Variants in CDC14A observed in about 807,000 individuals in gnomAD.
The protein encoded by CDC14A is dual specificity protein phosphatase CDC14A.
In CDC14A, 53 loss-of-function variants were observed where a neutral mutation model predicts 74.4. The ratio of observed to expected loss-of-function variants is 0.71; its 90% CI spans 0.57 to 0.89. The LOEUF is 0.89. CDC14A is among the 40% of genes least tolerant of loss of function. The pLI is 0.00. For synonymous variants in CDC14A, 247 were observed against 258.4 expected, an observed-to-expected ratio of 0.96 and a Z score of 0.43; for missense variants, 646 against 713.7, an observed-to-expected ratio of 0.91 and a Z score of 1.08.
chr1:100,505,751 G>A (rs537656332), intron 15 of CDC14A, among the ~76,000 whole-genome samples: 22 of 152,078 alleles, frequency 1.4e-4, no homozygotes, highest in Admixed American at 8.5e-4. Context: ...ATTTTTATTC[G>A]TCTGCTTTTG....
At chr1:100,399,709 A>G (rs1292305166) in intron 4 of CDC14A, among the ~76,000 whole-genome samples, 2 of 152,160 alleles carry the variant, frequency 1.3e-5, no homozygotes, top group African/African-American at 2.4e-5. Context: ...AGCCTCCATT[A>G]AAAAAGTAAG....
At chr1:100,478,619 A>G (rs771802633) in intron 10 of CDC14A, among the ~76,000 whole-genome samples, 2 of 152,198 alleles carry the variant, frequency 1.3e-5, no homozygotes, top group African/African-American at 2.4e-5. Context: ...GAGAACTCAC[A>G]TAAAGCCTAA....
chr1:100,516,475 T>A (rs933165355), intron 15 of CDC14A, among the ~76,000 whole-genome samples: 1 of 152,212 alleles, frequency 6.6e-6, no homozygotes, highest in Non-Finnish European at 1.5e-5. Flanking sequence ...CTGATTTCTG[T>A]TAGTGATAAC....
intron 15 of CDC14A, among the ~76,000 whole-genome samples, chr1:100,510,050 C>T (rs922881512): frequency 1.3e-5 from 2 of 149,758 alleles, no homozygotes; most frequent in South Asian, 2.1e-4. Flanking sequence ...TTAGGAACCT[C>T]GTTTCCATGC....
At chr1:100,435,940 G>T (rs1380301810) in intron 5 of CDC14A, among the ~76,000 whole-genome samples, 1 of 151,986 alleles carries the variant, frequency 6.6e-6, no homozygotes, top group Non-Finnish European at 1.5e-5. Context: ...GGAAAATTTT[G>T]GTTGGCTTGT....
At chr1:100,482,068 C>T (rs555789485) in intron 10 of CDC14A, among the ~76,000 whole-genome samples, 2 of 152,304 alleles carry the variant, frequency 1.3e-5, no homozygotes, top group South Asian at 4.1e-4. Context: ...AGGTTCAAAT[C>T]AAGCCTTTCC....
chr1:100,504,791 T>A, intron 15 of CDC14A: 1 of 1,523,706 alleles, frequency 6.6e-7, no homozygotes, highest in Non-Finnish European at 8.8e-7. Flanking sequence ...CCTTGCTTAT[T>A]CTCTTGTTTT....
intron 7 of CDC14A, among the ~76,000 whole-genome samples, chr1:100,452,280 G>A (rs1666218641): frequency 6.6e-6 from 1 of 152,124 alleles, no homozygotes; most frequent in African/African-American, 2.4e-5. Context: ...GGGAGGCTGA[G>A]GTGGGTGGAT....
At chr1:100,423,820 C>G (rs1006916059) in intron 4 of CDC14A, 3 of 185,310 alleles carry the variant, frequency 1.6e-5, no homozygotes, top group African/African-American at 6.9e-5. Flanking sequence ...ATTGTGCTCA[C>G]TGTGAGAAGT....
chr1:100,428,441 T>A (rs1663210582), intron 5 of CDC14A, among the ~76,000 whole-genome samples: 1 of 152,214 alleles, frequency 6.6e-6, no homozygotes, highest in African/African-American at 2.4e-5. Context: ...AGTGTTGGCT[T>A]GGCAGTTAGC....
intron 5 of CDC14A, among the ~76,000 whole-genome samples, chr1:100,426,150 G>A (rs980289937): frequency 1.3e-5 from 2 of 152,096 alleles, no homozygotes; most frequent in African/African-American, 2.4e-5. Context: ...TTATTACAGG[G>A]TCTTACTCTG....
At chr1:100,357,114 C>T (rs1299049327) in intron 2 of CDC14A, among the ~76,000 whole-genome samples, 1 of 152,044 alleles carries the variant, frequency 6.6e-6, no homozygotes, top group Non-Finnish European at 1.5e-5. Flanking sequence ...GAAGATCAGG[C>T]ATTCCATTTT....
intron 2 of CDC14A, among the ~76,000 whole-genome samples, chr1:100,354,973 G>A (rs762164353): frequency 6.6e-6 from 1 of 152,328 alleles, no homozygotes. Flanking sequence ...TGAGGTCTGC[G>A]ACATTTCTCT....
At chr1:100,462,255 C>G (rs1329641357) in intron 8 of CDC14A, 1 of 196,844 alleles carries the variant, frequency 5.1e-6, no homozygotes, top group Non-Finnish European at 1.1e-5. Context: ...AAAGCTTCAG[C>G]TGTAGTTGAA....
chr1:100,436,075 G>A (rs1224840281), intron 5 of CDC14A, among the ~76,000 whole-genome samples: 1 of 152,082 alleles, frequency 6.6e-6, no homozygotes, highest in Non-Finnish European at 1.5e-5. Flanking sequence ...GGGGACTTTT[G>A]GGTTCAGTAG....
At chr1:100,458,684 T>C (rs1308412649) in intron 8 of CDC14A, among the ~76,000 whole-genome samples, 3 of 139,462 alleles carry the variant, frequency 2.2e-5, no homozygotes, top group Non-Finnish European at 4.5e-5. Flanking sequence ...AGTGACGTCT[T>C]GGTAATTTTT....
intron 11 of CDC14A, among the ~76,000 whole-genome samples, chr1:100,487,933 A>G (rs1254249658): frequency 2.0e-5 from 3 of 152,128 alleles, no homozygotes; most frequent in Non-Finnish European, 2.9e-5. Context: ...ATTTGTCTTC[A>G]TCATGATTCT....
chr1:100,485,491 T>G (rs1376015076), intron 11 of CDC14A: 2 of 180,014 alleles, frequency 1.1e-5, no homozygotes, highest in African/African-American at 4.8e-5. Context: ...TTGAGCCCAG[T>G]GGTCGAAGCT....
Position 100,429,234 on chromosome 1 carries a change from T to TAAATAAATAAATAAATAAAC in CDC14A, c.389+4934_389+4935insAATAAATAAATAAATAAACA, listed in dbSNP as rs60569646. On this transcript the variant is annotated intron_variant, in intron 5 of 15. Coordinates refer to ENST00000336454, the MANE Select transcript of CDC14A (RefSeq NM_003672.4). ...ATAAATAAATAAATAAATAAATAAA[T>TAAATAAATAAATAAATAAAC]ATAAAATAAAATGACATATACAATT... is the stretch of plus-strand genomic sequence containing the variant. 7.8e-3 allele frequency among the ~76,000 whole-genome samples: 1,147 copies of TAAATAAATAAATAAATAAAC among 146,480 alleles called. 21 individuals carry two copies. The highest frequency in any genetic ancestry group is 0.026 in the African/African-American group (1,034 of 39,376).
Sources: allele counts gnomAD v4.1 joint callset (sites outside exome capture counted in the v4.1 genomes callset), GRCh38; gene constraint gnomAD v4.1.1; transcripts MANE v1.5; gene names NCBI Gene and HGNC (gene_info 2026-07-23, HGNC 2026-07-21).